Variants in NEMP2 observed in about 807,000 individuals in gnomAD.
NEMP2 encodes the protein UPF0571 transmembrane protein.
Under a neutral mutation model 54.2 loss-of-function variants are expected in NEMP2, and 53 were observed. The observed-to-expected ratio is 0.98, with a 90% CI of 0.78 to 1.23. The LOEUF is 1.23. Among genes scored for constraint, NEMP2 ranks in the 50% most tolerant of loss-of-function variants. The pLI, the probability that NEMP2 is intolerant of heterozygous loss-of-function variation, is 0.00. For missense variants in NEMP2, 455 were observed against 511.3 expected (o/e 0.89, Z 1.06); for synonymous variants, 197 against 190.3 (o/e 1.04, Z -0.29).
chr2:190,485,803 T>TAA, the NEMP2 span, among the ~76,000 whole-genome samples: 131 of 144,536 alleles, frequency 9.1e-4, no homozygotes, highest in African/African-American at 3.0e-3. This position sits in a 1 kb window ranked among gnomAD's most constrained non-coding sequence, Gnocchi z 5.1. Context: ...TCTTACTAGT[T>TAA]AAAAAAAAAA....
chr2:190,522,430 A>G lies in NEMP2; in HGVS notation c.213+2833T>C, dbSNP rs1400445910. Among the ~76,000 whole-genome samples the G allele has an allele frequency of 6.6e-6, 1 of 152,158 alleles. No individual in the cohort carries two copies. The highest frequency in any genetic ancestry group is 1.5e-5 in the Non-Finnish European group (1 of 68,030). ...CAAAATCTCACTTAAAAAACCCACT[A>G]TGATCTTTTCTGAGAATAAAAAGGT... On this transcript the variant is annotated intron_variant, in intron 2 of 8. Coordinates refer to ENST00000409150, the MANE Select transcript of NEMP2 (RefSeq NM_001142645.2). This position sits in a 1 kb window ranked among gnomAD's most constrained non-coding sequence, Gnocchi z 5.0.
the NEMP2 span, chr2:190,488,807 T>C: frequency 6.4e-7 from 1 of 1,567,852 alleles, no homozygotes; most frequent in Non-Finnish European, 8.6e-7. This position sits in a 1 kb window ranked among gnomAD's most constrained non-coding sequence, Gnocchi z 6.4. Context: ...GGCGTGTTAG[T>C]CAATTATTTT....
In NEMP2 at chr2:190,523,252, G is replaced by A. The variant is rs566087344; in HGVS notation, c.213+2011C>T. ...AATTAACCTAAAATACACAACCTCC[G>A]AAAAAGATTTTAAAAAAACACTATA... is the stretch of plus-strand genomic sequence containing the variant. On this transcript the variant is annotated intron_variant, in intron 2 of 8. Transcript: ENST00000409150. This position sits in a 1 kb window ranked among gnomAD's most constrained non-coding sequence, Gnocchi z 5.3. 3.9e-5 allele frequency among the ~76,000 whole-genome samples: 6 copies of A among 152,078 alleles called. No individual in the cohort carries two copies. The South Asian group carries it at 1.0e-3, about 26-fold the overall frequency.
the NEMP2 span, among the ~76,000 whole-genome samples, chr2:190,589,983 T>C: frequency 6.6e-6 from 1 of 152,308 alleles, no homozygotes; most frequent in Middle Eastern, 3.4e-3. This position sits in a 1 kb window ranked among gnomAD's most constrained non-coding sequence, Gnocchi z 4.3. Flanking sequence ...AGGTTGCTGA[T>C]TAAGCCTGTT....
intron 1 of NEMP2, 22 bp downstream of exon 1, chr2:190,534,537 G>A (rs1441808448): frequency 5.8e-6 from 8 of 1,385,184 alleles, no homozygotes; most frequent in South Asian, 1.6e-5. Context: ...CGCGCGCGCC[G>A]CCGCCGCCGG....
In NEMP2 at chr2:190,504,757, C is replaced by T. The variant is rs1249104546; in HGVS notation, c.*4432G>A. ...TGTAAACTTACATTTGAAAAAAGGT[C>T]GGATTTTTTTTGTTTCCTGAAAAGA... is the stretch of plus-strand genomic sequence containing the variant. On this transcript the variant is annotated 3_prime_UTR_variant, in exon 9 of 9. Coordinates refer to ENST00000409150, the MANE Select transcript of NEMP2 (RefSeq NM_001142645.2). The surrounding 1 kb of genome is among the most constrained non-coding windows in gnomAD (Gnocchi z 5.6). 2 of 151,966 alleles carry T rather than the reference C, an allele frequency of 1.3e-5. No homozygotes were observed. The highest frequency in any genetic ancestry group is 6.6e-5 in the Admixed American group (1 of 15,256). The allele number at this position is 151,966 out of a possible 1,614,324, so 9.4% of individuals were successfully genotyped here. A position where few individuals can be genotyped will look rare whatever the true frequency, so the allele number is the denominator to read the frequency against.
chr2:190,562,646 A>G, the NEMP2 span, among the ~76,000 whole-genome samples: 1 of 152,258 alleles, frequency 6.6e-6, no homozygotes, highest in Non-Finnish European at 1.5e-5. The surrounding 1 kb of genome is among the most constrained non-coding windows in gnomAD (Gnocchi z 5.0). Context: ...AAAATATGGG[A>G]AGATGGTCTC....
chr2:190,598,193 G>C, the NEMP2 span, among the ~76,000 whole-genome samples: 4 of 152,172 alleles, frequency 2.6e-5, no homozygotes, highest in African/African-American at 4.8e-5. Flanking sequence ...TTCCTGGGGA[G>C]GGGAGAGCAA....
chr2:190,475,151 A>G, the NEMP2 span, among the ~76,000 whole-genome samples: 372 of 152,162 alleles, frequency 2.4e-3, 1 homozygote, highest in African/African-American at 8.1e-3. Context: ...TTGAAAACTG[A>G]CACAAGACAG....
chr2:190,568,788 C>G, the NEMP2 span, among the ~76,000 whole-genome samples: 1 of 152,138 alleles, frequency 6.6e-6, no homozygotes, highest in South Asian at 2.1e-4. The surrounding 1 kb of genome is among the most constrained non-coding windows in gnomAD (Gnocchi z 4.7). Flanking sequence ...CGCCATTGCA[C>G]TCCAACCTGA....
chr2:190,574,185 C>T, the NEMP2 span, among the ~76,000 whole-genome samples: 1 of 152,090 alleles, frequency 6.6e-6, no homozygotes, highest in East Asian at 1.9e-4. Flanking sequence ...GCAACAAAAC[C>T]TCTATTTTCT....
At chr2:190,491,950 T>G in the NEMP2 span, among the ~76,000 whole-genome samples, 2 of 152,096 alleles carry the variant, frequency 1.3e-5, no homozygotes, top group Non-Finnish European at 2.9e-5. This position sits in a 1 kb window ranked among gnomAD's most constrained non-coding sequence, Gnocchi z 4.2. Context: ...ATGAGATAGA[T>G]AGCATAAATA....
At chr2:190,566,555 C>T in the NEMP2 span, among the ~76,000 whole-genome samples, 1 of 151,118 alleles carries the variant, frequency 6.6e-6, no homozygotes, top group Admixed American at 6.6e-5. Context: ...AACACTGACT[C>T]CAGCCTGGGC....
the NEMP2 span, among the ~76,000 whole-genome samples, chr2:190,461,053 T>C: frequency 6.6e-6 from 1 of 152,174 alleles, no homozygotes; most frequent in African/African-American, 2.4e-5. The surrounding 1 kb of genome is among the most constrained non-coding windows in gnomAD (Gnocchi z 5.5). Context: ...CTTTCTTAAC[T>C]CTTTGGACAA....
chr2:190,646,668 G>C, the NEMP2 span: 3 of 152,310 alleles, frequency 2.0e-5, no homozygotes, highest in South Asian at 6.2e-4. Context: ...AATGTGCCCA[G>C]AAAACAAACA....
At chr2:190,465,585 C>T in the NEMP2 span, among the ~76,000 whole-genome samples, 2 of 152,092 alleles carry the variant, frequency 1.3e-5, no homozygotes, top group Non-Finnish European at 2.9e-5. This position sits in a 1 kb window ranked among gnomAD's most constrained non-coding sequence, Gnocchi z 4.6. Context: ...AGAAAATGAT[C>T]CAGTAAAATA....
At chr2:190,511,904 T>C (rs963148204) in intron 7 of NEMP2, among the ~76,000 whole-genome samples, 2 of 151,176 alleles carry the variant, frequency 1.3e-5, no homozygotes, top group Non-Finnish European at 2.9e-5. Context: ...TTTGAGGTGG[T>C]TTTAAATTTA....
chr2:190,613,825 G>A, the NEMP2 span, among the ~76,000 whole-genome samples: 1 of 151,938 alleles, frequency 6.6e-6, no homozygotes, highest in Admixed American at 6.6e-5. Flanking sequence ...CCTGACTTCA[G>A]GTGATCTGCC....
At chr2:190,494,333 G>A in the NEMP2 span, among the ~76,000 whole-genome samples, 2 of 151,964 alleles carry the variant, frequency 1.3e-5, no homozygotes, top group Admixed American at 6.6e-5. The surrounding 1 kb of genome is among the most constrained non-coding windows in gnomAD (Gnocchi z 5.7). Context: ...AGACAACTAA[G>A]TAGTGAGACT....
Sources: gnomAD v4.1 joint callset for allele counts (sites outside exome capture counted in the v4.1 genomes callset) on GRCh38, gnomAD v4.1.1 for gene constraint, Gnocchi (gnomAD v3.1) non-coding constraint, MANE v1.5 for transcripts, NCBI Gene and HGNC (gene_info 2026-07-23, HGNC 2026-07-21) for gene names.